The following GNB1 variants were observed in gnomAD, a reference collection of about 807,000 sequenced individuals.
The protein encoded by GNB1 is G protein subunit beta 1, also known as guanine nucleotide-binding protein G(I)/G(S)/G(T) subunit beta-1.
GNB1 carries 2 observed loss-of-function variants against 42.9 expected under a neutral mutation model. The observed-to-expected ratio is 0.05, with a 90% CI of 0.02 to 0.15. The LOEUF (loss-of-function observed/expected upper bound fraction) is 0.15, where lower values mean the gene tolerates loss of function less well. GNB1 is among the 10% of genes least tolerant of loss of function. The pLI is 1.00. For synonymous variants in GNB1, 183 were observed against 174.7 expected, an observed-to-expected ratio of 1.05 and a Z score of -0.38; for missense variants, 193 against 462.2, an observed-to-expected ratio of 0.42 and a Z score of 5.34.
chr1:1,808,668 G>C (rs570046882), intron 5 of GNB1, among the ~76,000 whole-genome samples: 194 of 152,246 alleles, frequency 1.3e-3, no homozygotes, highest in Non-Finnish European at 2.2e-3. Flanking sequence ...GTTTGAGACA[G>C]AGTCTCGCTC....
intron 3 of GNB1, among the ~76,000 whole-genome samples, chr1:1,821,431 C>T (rs537536089): frequency 1.3e-5 from 2 of 152,280 alleles, no homozygotes; most frequent in Admixed American, 6.5e-5. Flanking sequence ...GGCTGAAAAA[C>T]AAATCTAAGA....
chr1:1,885,684 G>C (rs1451562521), intron 1 of GNB1, among the ~76,000 whole-genome samples: 1 of 148,282 alleles, frequency 6.7e-6, no homozygotes, highest in African/African-American at 2.5e-5. Flanking sequence ...AGCCTCCCAA[G>C]TAGCTGGGAC....
At chr1:1,819,201 A>G (rs1473569123) in intron 3 of GNB1, among the ~76,000 whole-genome samples, 1 of 152,080 alleles carries the variant, frequency 6.6e-6, no homozygotes. Flanking sequence ...GAGTGTTGGT[A>G]TAATTTTTTT....
chr1:1,860,652 A>G (rs569965370), intron 1 of GNB1, among the ~76,000 whole-genome samples: 133 of 151,344 alleles, frequency 8.8e-4, no homozygotes, highest in African/African-American at 3.1e-3. Flanking sequence ...AAAAAAAAAA[A>G]AAAGAGGGAG....
chr1:1,869,753 A>G (rs529830003), intron 1 of GNB1, among the ~76,000 whole-genome samples: 20 of 152,336 alleles, frequency 1.3e-4, no homozygotes, highest in African/African-American at 4.6e-4. Flanking sequence ...AATATATACA[A>G]AAACTTCAGA....
At chr1:1,820,690 T>A (rs1389196333) in intron 3 of GNB1, among the ~76,000 whole-genome samples, 2 of 152,176 alleles carry the variant, frequency 1.3e-5, no homozygotes, top group African/African-American at 2.4e-5. Flanking sequence ...AAATAAAACA[T>A]GAGATTTAAG....
intron 1 of GNB1, among the ~76,000 whole-genome samples, chr1:1,841,036 C>T (rs947044090): frequency 6.6e-6 from 1 of 152,000 alleles, no homozygotes; most frequent in Non-Finnish European, 1.5e-5. Context: ...CGATTATAGG[C>T]ACATGCCACC....
chr1:1,797,996 C>T (rs1314300880), intron 7 of GNB1, among the ~76,000 whole-genome samples: 2 of 152,226 alleles, frequency 1.3e-5, no homozygotes, highest in Non-Finnish European at 1.5e-5. Flanking sequence ...AAAACAAGAC[C>T]GTGCTGGCGA....
Position 1,818,006 on chromosome 1 carries a change from G to A in GNB1, c.58-131C>T. On this transcript the variant is annotated intron_variant, in intron 3 of 11. Transcript: ENST00000378609. ...AAAAGCAGAATGTGAAAGAACGGCA[G>A]AGTCTCCTTGCATCTCAACACCCCA... is the stretch of plus-strand genomic sequence containing the variant. 4 of 687,318 alleles carry A rather than the reference G, an allele frequency of 5.8e-6. No homozygotes were observed. In the South Asian group the frequency reaches 6.4e-5, roughly 11 times the overall value. 42.6% of individuals were successfully genotyped at this position (687,318 alleles called of 1,614,324 possible). A position where few individuals can be genotyped will look rare whatever the true frequency, so the allele number is the denominator to read the frequency against.
rs1646619017 is a variant in GNB1 at position 1,801,062 on chromosome 1, C to G, written c.430+3357G>C. Among the ~76,000 whole-genome samples the G allele has an allele frequency of 1.3e-5, 2 of 152,264 alleles. 1 individual carries two copies. Among genetic ancestry groups the G allele is most frequent in the Non-Finnish European group, 2.9e-5 (2 of 68,050 alleles). ...CTTTTCTCTTTGAGACGGAGTCTCA[C>G]TCTGTTACCCAGGCTGGAGGTGCAG... On this transcript the variant is annotated intron_variant, in intron 7 of 11. Transcript: ENST00000378609.
intron 1 of GNB1, among the ~76,000 whole-genome samples, chr1:1,877,993 GA>G (rs1474385530): frequency 6.6e-6 from 1 of 152,158 alleles, no homozygotes; most frequent in Non-Finnish European, 1.5e-5. Flanking sequence ...TGAATGAGGA[GA>G]AAGAGCTCAC....
intron 7 of GNB1, among the ~76,000 whole-genome samples, chr1:1,794,696 T>C (rs909624839): frequency 1.3e-5 from 2 of 152,184 alleles, no homozygotes; most frequent in African/African-American, 4.8e-5. Context: ...CAAACATTAT[T>C]ATCACTATTT....
At chr1:1,854,995 C>T (rs925982833) in intron 1 of GNB1, among the ~76,000 whole-genome samples, 3 of 152,050 alleles carry the variant, frequency 2.0e-5, no homozygotes, top group Non-Finnish European at 4.4e-5. Flanking sequence ...CCCGTCTCTA[C>T]TAAAAATACA....
intron 1 of GNB1, among the ~76,000 whole-genome samples, chr1:1,866,309 G>A (rs1371452796): frequency 6.6e-6 from 1 of 152,200 alleles, no homozygotes; most frequent in African/African-American, 2.4e-5. Flanking sequence ...GTTTCACAGG[G>A]ATGTCTTCCA....
intron 1 of GNB1, among the ~76,000 whole-genome samples, chr1:1,886,768 C>T (rs1030341894): frequency 1.3e-5 from 2 of 152,102 alleles, no homozygotes; most frequent in Non-Finnish European, 2.9e-5. Flanking sequence ...GTGCAGTGGC[C>T]GATCTTGGCT....
At chr1:1,798,099 T>C (rs1425612021) in intron 7 of GNB1, among the ~76,000 whole-genome samples, 1 of 152,134 alleles carries the variant, frequency 6.6e-6, no homozygotes, top group East Asian at 1.9e-4. Context: ...TCAAGTTCAG[T>C]AAGAAGGAAA....
At chr1:1,835,765 G>C (rs1409435630) in intron 2 of GNB1, among the ~76,000 whole-genome samples, 1 of 152,008 alleles carries the variant, frequency 6.6e-6, no homozygotes, top group African/African-American at 2.4e-5. Context: ...CTACAGGTGT[G>C]TGTTGAACAT....
At chr1:1,817,666 C>T in intron 4 of GNB1, 171 bp downstream of exon 4, 1 of 526,136 alleles carries the variant, frequency 1.9e-6, no homozygotes, top group South Asian at 2.6e-5. Flanking sequence ...CTCAATAAGC[C>T]CCTCTATTTC....
chr1:1,851,890 G>A (rs747335414), intron 1 of GNB1, among the ~76,000 whole-genome samples: 25 of 150,802 alleles, frequency 1.7e-4, no homozygotes, highest in Middle Eastern at 3.2e-3. Context: ...CTAAAAATAC[G>A]AAATCAGCCG....
Sources: allele counts gnomAD v4.1 joint callset (sites outside exome capture counted in the v4.1 genomes callset), GRCh38; gene constraint gnomAD v4.1.1; transcripts MANE v1.5; gene names NCBI Gene and HGNC (gene_info 2026-07-23, HGNC 2026-07-21).